The following HDAC9 variants were observed in gnomAD, a reference collection of about 807,000 sequenced individuals.
HDAC9 encodes the protein MEF-2 interacting transcription repressor (MITR) protein.
HDAC9 carries 41 observed loss-of-function variants against 139.4 expected under a neutral mutation model. The ratio of observed to expected loss-of-function variants is 0.29; its 90% CI spans 0.23 to 0.38. The LOEUF (loss-of-function observed/expected upper bound fraction) is 0.38. HDAC9 is among the 10% of genes least tolerant of loss of function. The pLI, the probability that HDAC9 is intolerant of heterozygous loss-of-function variation, is 1.00. For synonymous variants in HDAC9, 517 were observed against 476.2 expected, an observed-to-expected ratio of 1.09 and a Z score of -1.12; for missense variants, 1,147 against 1,297.0, an observed-to-expected ratio of 0.88 and a Z score of 1.78.
intron 7 of HDAC9, among the ~76,000 whole-genome samples, chr7:18,630,522 A>T (rs1025270152): frequency 2.6e-5 from 4 of 152,130 alleles, no homozygotes; most frequent in Non-Finnish European, 5.9e-5. Flanking sequence ...TTTGGCCGAT[A>T]ATTTTTGGAA....
chr7:18,492,894 T>C (rs1182780924), upstream of HDAC9, among the ~76,000 whole-genome samples: 3 of 152,130 alleles, frequency 2.0e-5, no homozygotes, highest in East Asian at 5.8e-4. Flanking sequence ...TGGGGTTTTT[T>C]GTAAGTATCC....
At chr7:18,515,452 A>G (rs538670544) in intron 2 of HDAC9, among the ~76,000 whole-genome samples, 2 of 152,308 alleles carry the variant, frequency 1.3e-5, no homozygotes, top group African/African-American at 2.4e-5. Flanking sequence ...AGCGTTAGAC[A>G]TATTATGTGG....
chr7:18,911,699 A>G (rs1166142311), intron 22 of HDAC9, among the ~76,000 whole-genome samples: 6 of 150,634 alleles, frequency 4.0e-5, no homozygotes, highest in Admixed American at 3.3e-4. Context: ...TTGTTTTTCT[A>G]TTTTCATTTG....
chr7:18,672,301 A>G (rs1562839385), intron 12 of HDAC9, among the ~76,000 whole-genome samples: 1 of 152,054 alleles, frequency 6.6e-6, no homozygotes, highest in Non-Finnish European at 1.5e-5. Flanking sequence ...ATTAATGACT[A>G]ATGATGTTGA....
chr7:18,244,658 C>T (rs992799589), intron 2 of HDAC9, among the ~76,000 whole-genome samples: 5 of 151,978 alleles, frequency 3.3e-5, no homozygotes, highest in African/African-American at 7.3e-5. Flanking sequence ...ATTATCTGGG[C>T]GTGGTGGCGG....
In HDAC9 at chr7:18,533,242, A is replaced by G. The variant is rs144004954; in HGVS notation, c.22+36918A>G. Among the ~76,000 whole-genome samples the G allele has an allele frequency of 8.2e-4, 125 of 151,900 alleles. 1 individual carries two copies. The highest frequency in any genetic ancestry group is 2.7e-3 in the African/African-American group (111 of 41,424). On this transcript the variant is annotated intron_variant, in intron 2 of 25. Transcript: ENST00000686413. ...TCCACACCTGCAGCACTTCAACTCT[A>G]TTTTCTCCGGGAGTTTCCAGCCTTC...
At chr7:18,694,452 G>A (rs568218136) in intron 12 of HDAC9, among the ~76,000 whole-genome samples, 4 of 152,144 alleles carry the variant, frequency 2.6e-5, no homozygotes, top group African/African-American at 9.6e-5. Context: ...TGGCTAAATG[G>A]GGTTGGTGTC....
At chr7:18,849,352 A>G (rs942354705) in intron 21 of HDAC9, among the ~76,000 whole-genome samples, 12 of 152,220 alleles carry the variant, frequency 7.9e-5, no homozygotes, top group Non-Finnish European at 1.8e-4. Flanking sequence ...TTAACAAGAG[A>G]GGGAAAAGAG....
chr7:18,383,821 G>A (rs1785661033), intron 1 of HDAC9, among the ~76,000 whole-genome samples: 1 of 151,010 alleles, frequency 6.6e-6, no homozygotes, highest in Non-Finnish European at 1.5e-5. Context: ...CCCGGGAGGC[G>A]GAGCTTGCAG....
At chr7:18,732,533 T>C (rs1418125582) in intron 13 of HDAC9, among the ~76,000 whole-genome samples, 1 of 77,654 alleles carries the variant, frequency 1.3e-5, no homozygotes, top group Non-Finnish European at 2.5e-5. Context: ...TGTATGTGTA[T>C]ATATGTGTAT....
intron 22 of HDAC9, among the ~76,000 whole-genome samples, chr7:18,905,652 T>C (rs1802167612): frequency 6.6e-6 from 1 of 152,224 alleles, no homozygotes; most frequent in South Asian, 2.1e-4. Context: ...AGTTTTTGTG[T>C]ATGAAAGCAT....
At chr7:18,692,148 C>T (rs1782716743) in intron 12 of HDAC9, among the ~76,000 whole-genome samples, 2 of 152,016 alleles carry the variant, frequency 1.3e-5, no homozygotes, top group African/African-American at 4.8e-5. Flanking sequence ...AGGAATGAAC[C>T]ATTACTCTTC....
intron 1 of HDAC9, among the ~76,000 whole-genome samples, chr7:18,392,315 T>TCACA (rs57932620): frequency 0.11 from 12,866 of 119,046 alleles, 705 homozygotes; most frequent in East Asian, 0.14. Context: ...TCTCTCTCTC[T>TCACA]CACACACACA....
At chr7:18,305,118 C>T (rs1405082915) in intron 1 of HDAC9, among the ~76,000 whole-genome samples, 6 of 152,178 alleles carry the variant, frequency 3.9e-5, no homozygotes, top group African/African-American at 9.7e-5. Flanking sequence ...ACCTTTCCCT[C>T]CTGGTTATTC....
intron 2 of HDAC9, among the ~76,000 whole-genome samples, chr7:18,582,393 A>G (rs1828091870): frequency 6.6e-6 from 1 of 152,170 alleles, no homozygotes; most frequent in Non-Finnish European, 1.5e-5. Context: ...GTGGTAGAAT[A>G]TGTGCTCGAT....
intron 1 of HDAC9, among the ~76,000 whole-genome samples, chr7:18,339,438 A>T (rs966513305): frequency 6.6e-6 from 1 of 151,336 alleles, no homozygotes; most frequent in African/African-American, 2.4e-5. Context: ...TTTAGCAGCA[A>T]TCTGCAGATT....
chr7:18,756,461 TC>T (rs1323282388), intron 14 of HDAC9, among the ~76,000 whole-genome samples: 1 of 152,264 alleles, frequency 6.6e-6, no homozygotes, highest in Non-Finnish European at 1.5e-5. Context: ...ATAGCTGGAC[TC>T]CTTTTGAAAA....
At position 18,380,514 on chromosome 7, in the gene HDAC9, A is replaced by G. The variant is rs145896700; in HGVS notation, c.-42+89999A>G. On this transcript the variant is annotated intron_variant, in intron 1 of 3. Coordinates refer to the HDAC9 transcript ENST00000413509. ...ATTTTTCAAGGGTATTTGGTGAAAC[A>G]GAAGAGAGTCATCTGTATAGAGAGG... 8.8e-3 allele frequency among the ~76,000 whole-genome samples: 1,343 copies of G among 152,346 alleles called. 20 individuals are homozygous for G. The highest frequency in any genetic ancestry group is 0.031 in the African/African-American group (1,271 of 41,580).
chr7:18,467,563 A>G (rs926081087), intron 1 of HDAC9, among the ~76,000 whole-genome samples: 1 of 152,196 alleles, frequency 6.6e-6, no homozygotes, highest in Non-Finnish European at 1.5e-5. Context: ...TACCGTAACT[A>G]TAAATGATTG....
Sources: allele counts gnomAD v4.1 joint callset (sites outside exome capture counted in the v4.1 genomes callset), GRCh38; gene constraint gnomAD v4.1.1; transcripts MANE v1.5; gene names NCBI Gene and HGNC (gene_info 2026-07-23, HGNC 2026-07-21).